Variants in ANO6 observed in about 807,000 individuals in gnomAD.
ANO6 encodes anoctamin-6.
A neutral mutation model predicts 117.5 loss-of-function variants in ANO6; 106 were observed. The ratio of observed to expected loss-of-function variants is 0.90; its 90% CI spans 0.77 to 1.06. ANO6 has a LOEUF of 1.06. ANO6 is among the 50% of genes least tolerant of loss of function. The pLI, the probability that ANO6 is intolerant of heterozygous loss-of-function variation, is 0.00. For synonymous variants in ANO6, 367 were observed against 385.1 expected (o/e 0.95, Z 0.55); for missense variants, 955 against 1,121.1 (o/e 0.85, Z 2.12).
intron 17 of ANO6, among the ~76,000 whole-genome samples, chr12:45,419,322 G>A (rs1225817683): frequency 1.3e-5 from 2 of 152,154 alleles, no homozygotes; most frequent in African/African-American, 4.8e-5. Flanking sequence ...CTTCCTTGTT[G>A]GAATTTTTTG....
chr12:45,367,595 C>T lies in ANO6; in HGVS notation c.999-93C>T, dbSNP rs571945646. The T allele has an allele frequency of 1.3e-4, 123 of 918,392 alleles. 1 individual carries two copies. The African/African-American group carries it at 1.8e-3, about 13-fold the overall frequency. 56.9% of individuals were successfully genotyped at this position (918,392 alleles called of 1,614,324 possible). A position where few individuals can be genotyped will look rare whatever the true frequency, so the allele number is the denominator to read the frequency against. On this transcript the variant is annotated intron_variant, in intron 8 of 19. Transcript: ENST00000320560. ...ACTTCTGTTTCTAGTTTTACAAGAT[C>T]GGTTTAGTTTTGTTTCTTATTGTGA... is the stretch of plus-strand genomic sequence containing the variant.
chr12:45,318,889 T>C (rs533144640), intron 2 of ANO6, among the ~76,000 whole-genome samples: 1 of 152,320 alleles, frequency 6.6e-6, no homozygotes, highest in Non-Finnish European at 1.5e-5. Flanking sequence ...CAATTGTGAA[T>C]GGGAGTTCAC....
At chr12:45,314,761 T>C (rs1939966412) in intron 2 of ANO6, among the ~76,000 whole-genome samples, 1 of 152,074 alleles carries the variant, frequency 6.6e-6, no homozygotes, top group South Asian at 2.1e-4. Context: ...TCTCCTTTAC[T>C]TGAAAGTCAC....
chr12:45,302,601 T>A (rs577054130), intron 2 of ANO6, among the ~76,000 whole-genome samples: 25 of 152,238 alleles, frequency 1.6e-4, no homozygotes, highest in African/African-American at 4.8e-4. Context: ...AATGCTCCCA[T>A]TAAATTGGAC....
At chr12:45,299,486 A>G (rs1939409029) in intron 1 of ANO6, among the ~76,000 whole-genome samples, 1 of 152,204 alleles carries the variant, frequency 6.6e-6, no homozygotes, top group Non-Finnish European at 1.5e-5. Flanking sequence ...TGTCATTTCT[A>G]CTGGCATTTC....
intron 1 of ANO6, among the ~76,000 whole-genome samples, chr12:45,276,518 T>TA (rs1938560558): frequency 6.6e-6 from 1 of 152,134 alleles, no homozygotes; most frequent in South Asian, 2.1e-4. Flanking sequence ...TTTTTAGCCC[T>TA]GCATAGCCAA....
In ANO6 at chr12:45,421,129, T is replaced by C; in HGVS notation, c.2276T>C (p.Phe759Ser). 5 of 1,614,220 alleles carry C rather than the reference T, an allele frequency of 3.1e-6. No individual in the cohort carries two copies. The highest frequency in any genetic ancestry group is 4.2e-6 in the Non-Finnish European group (5 of 1,180,040). The change falls in exon 18 of 20, where the codon TTC becomes TCC. Residue 759 changes from phenylalanine to serine, a missense_variant. Phe to Ser is a radical substitution (Grantham distance 155, BLOSUM62 -2). Transcript: ENST00000320560. ...CCCCGCCTAGTGTACTACTGGTCCT[T>C]CTCCGTCCCTCCCTACGGGGACCAC... ...MIPRLVYYWS[F>S]SVPPYGDHTS...
Position 45,216,299 on chromosome 12 carries a change from CG to C in ANO6, c.-21del, listed in dbSNP as rs1565624995. On this transcript the variant is annotated 5_prime_UTR_variant, in exon 1 of 20. Coordinates refer to ENST00000320560, the MANE Select transcript of ANO6 (RefSeq NM_001025356.3). ...GGAGCCCCCAACTTCGCGCCAAGTT[CG>C]GAGCCGCCTTCTGAGGGAGACATGA... is the stretch of plus-strand genomic sequence containing the variant. 1.9e-6 allele frequency: 3 copies of C among 1,596,114 alleles called. No individual in the cohort carries two copies. The Admixed American group carries it at 5.2e-5, about 28-fold the overall frequency.
intron 8 of ANO6, 113 bp downstream of exon 8, chr12:45,357,537 C>T (rs1186343654): frequency 2.2e-6 from 3 of 1,348,172 alleles, no homozygotes; most frequent in Non-Finnish European, 3.1e-6. Flanking sequence ...ACATTCATTG[C>T]TTGGGATGAT....
chr12:45,355,971 C>A (rs1002333228), intron 7 of ANO6, among the ~76,000 whole-genome samples: 6 of 152,208 alleles, frequency 3.9e-5, no homozygotes, highest in African/African-American at 9.7e-5. Flanking sequence ...TCGTACAGAT[C>A]AAGATGAAGG....
chr12:45,431,287 G>GAGAT lies in ANO6; in HGVS notation c.*1978_*1981dup. ...TGCCACTGTTCCTCTCTTCACTCCT[G>GAGAT]AGATACTGCTTCTGGAAGCGGGTGT... On this transcript the variant is annotated 3_prime_UTR_variant, in exon 20 of 20. Transcript: ENST00000320560. The GAGAT allele has an allele frequency of 2.0e-6, 2 of 985,380 alleles. No individual in the cohort carries two copies. Among genetic ancestry groups the GAGAT allele is most frequent in the Non-Finnish European group, 2.4e-6 (2 of 829,928 alleles). The allele number at this position is 985,380 out of a possible 1,614,324, so 61.0% of individuals were successfully genotyped here.
At chr12:45,361,810 G>A (rs760200062) in intron 8 of ANO6, among the ~76,000 whole-genome samples, 24 of 152,030 alleles carry the variant, frequency 1.6e-4, no homozygotes, top group Non-Finnish European at 2.9e-4. Context: ...GATAACTTTT[G>A]TACTTTGAAT....
Position 45,331,312 on chromosome 12 carries a change from ACCTG to A in ANO6, c.169_172del (p.Pro57ThrfsTer16). On this transcript the variant is annotated frameshift_variant, in exon 3 of 20. Coordinates refer to ENST00000320560, the MANE Select transcript of ANO6 (RefSeq NM_001025356.3). LOFTEE classifies it high-confidence loss of function. ...TTACACAGGAAGAATTTAATGGAAAACCTGACTCCCTCTTTTTTAATGATGGCCA... is the reference window on the plus strand; with the variant it reads ...TTACACAGGAAGAATTTAATGGAAAAACTCCCTCTTTTTTAATGATGGCCA... The A allele has an allele frequency of 1.2e-6, 2 of 1,609,336 alleles. No individual in the cohort carries two copies. The highest frequency in any genetic ancestry group is 1.7e-6 in the Non-Finnish European group (2 of 1,177,598).
At chr12:45,420,538 G>A (rs796879302) in intron 17 of ANO6, among the ~76,000 whole-genome samples, 5 of 152,110 alleles carry the variant, frequency 3.3e-5, no homozygotes, top group African/African-American at 9.7e-5. Context: ...CAAGGAGTTC[G>A]AGGTTACAGT....
intron 10 of ANO6, among the ~76,000 whole-genome samples, chr12:45,380,850 T>C (rs1182918297): frequency 6.6e-6 from 1 of 152,022 alleles, no homozygotes; most frequent in Non-Finnish European, 1.5e-5. Flanking sequence ...TGCACACCTG[T>C]AATCCCAACT....
intron 8 of ANO6, among the ~76,000 whole-genome samples, chr12:45,359,511 G>A (rs966050893): frequency 7.2e-5 from 11 of 152,144 alleles, no homozygotes; most frequent in African/African-American, 2.4e-4. Context: ...GGATTTGCCT[G>A]TTCTGGACAT....
At chr12:45,259,094 G>C (rs1937935949) in intron 1 of ANO6, among the ~76,000 whole-genome samples, 1 of 152,106 alleles carries the variant, frequency 6.6e-6, no homozygotes, top group African/African-American at 2.4e-5. Context: ...GATGTTTCCT[G>C]GGCAGAGAAC....
intron 1 of ANO6, among the ~76,000 whole-genome samples, chr12:45,249,474 T>C (rs1947871280): frequency 1.3e-5 from 2 of 152,202 alleles, no homozygotes; most frequent in African/African-American, 4.8e-5. Context: ...TTTGGTGTAA[T>C]AGAATTCTTC....
At chr12:45,345,687 A>G (rs930366738) in intron 3 of ANO6, among the ~76,000 whole-genome samples, 1 of 152,230 alleles carries the variant, frequency 6.6e-6, no homozygotes, top group African/African-American at 2.4e-5. Flanking sequence ...TTAGTTCTAC[A>G]GATGAAGAAA....
Sources: allele counts gnomAD v4.1 joint callset (sites outside exome capture counted in the v4.1 genomes callset), GRCh38; gene constraint gnomAD v4.1.1; transcripts MANE v1.5; gene names NCBI Gene and HGNC (gene_info 2026-07-23, HGNC 2026-07-21).